Variants in CTNNA2 observed in about 807,000 individuals in gnomAD.
CTNNA2 encodes the protein catenin alpha 2.
CTNNA2 carries 42 observed loss-of-function variants against 101.0 expected under a neutral mutation model. The ratio of observed to expected loss-of-function variants is 0.42; its 90% CI spans 0.32 to 0.54. The LOEUF is 0.54. Ranked by LOEUF, CTNNA2 falls within the 20% of genes least tolerant of loss-of-function variation. The pLI is 0.14. For missense variants in CTNNA2, 871 were observed against 1,223.1 expected (o/e 0.71, Z 4.29); for synonymous variants, 450 against 456.4 (o/e 0.99, Z 0.18).
At chr2:79,353,823 T>C (rs1677446711) in intron 3 of CTNNA2, among the ~76,000 whole-genome samples, 1 of 152,184 alleles carries the variant, frequency 6.6e-6, no homozygotes, top group South Asian at 2.1e-4. Context: ...TGTTTTCATG[T>C]TTAGCACTCC....
At chr2:79,521,104 G>A (rs1672079963) in intron 1 of CTNNA2, among the ~76,000 whole-genome samples, 1 of 70,032 alleles carries the variant, frequency 1.4e-5, no homozygotes, top group Non-Finnish European at 2.7e-5. Context: ...AAACAAAGCT[G>A]CTGATATATA....
intron 9 of CTNNA2, among the ~76,000 whole-genome samples, chr2:80,529,370 T>C (rs1248231124): frequency 5.3e-5 from 8 of 152,184 alleles, no homozygotes; most frequent in African/African-American, 1.9e-4. Context: ...TAAATACCAA[T>C]GGAAAAGTAT....
At chr2:80,562,110 C>G (rs1167194880) in intron 12 of CTNNA2, among the ~76,000 whole-genome samples, 2 of 135,832 alleles carry the variant, frequency 1.5e-5, no homozygotes, top group South Asian at 2.2e-4. Context: ...CTATAAATCT[C>G]TCTCCAGGTT....
intron 2 of CTNNA2, among the ~76,000 whole-genome samples, chr2:79,671,936 T>C (rs1682868152): frequency 6.6e-6 from 1 of 152,226 alleles, no homozygotes; most frequent in African/African-American, 2.4e-5. Flanking sequence ...TAGCGGAACA[T>C]AAATAAGCAT....
chr2:79,382,407 T>C (rs1299006077), intron 4 of CTNNA2, among the ~76,000 whole-genome samples: 2 of 152,114 alleles, frequency 1.3e-5, no homozygotes, highest in Non-Finnish European at 1.5e-5. Context: ...TGGGTATGTG[T>C]GTGTATACAT....
intron 3 of CTNNA2, among the ~76,000 whole-genome samples, chr2:79,806,227 T>TA (rs11394648): frequency 0.93 from 139,381 of 149,654 alleles, 65,000 homozygotes; most frequent in African/African-American, 0.97. Flanking sequence ...GAGTTTTATT[T>TA]AAAAAAAAAA....
chr2:80,149,774 T>TCTCACACACACACA lies in CTNNA2; in HGVS notation c.1056+239978_1056+239979insTCACACACACACAC, dbSNP rs377159450. On this transcript the variant is annotated intron_variant, in intron 7 of 18. Coordinates refer to ENST00000402739, the MANE Select transcript of CTNNA2 (RefSeq NM_001282597.3). ...TCAGGGAATACTCGATTAGAATGGA[T>TCTCACACACACACA]CACACACACACACACACACACACAC... Among the ~76,000 whole-genome samples, 678 of 143,378 alleles carry TCTCACACACACACA rather than the reference T, an allele frequency of 4.7e-3. 7 individuals are homozygous for TCTCACACACACACA. The highest frequency in any genetic ancestry group is 0.016 in the African/African-American group (631 of 38,610). 94.1% of individuals were successfully genotyped at this position (143,378 alleles called of 152,430 possible).
intron 3 of CTNNA2, among the ~76,000 whole-genome samples, chr2:79,364,391 TCTTATA>T (rs1226731999): frequency 6.6e-6 from 1 of 152,160 alleles, no homozygotes; most frequent in East Asian, 1.9e-4. Context: ...ATAGGGCCAG[TCTTATA>T]CTTAGGAGAT....
chr2:79,271,294 A>G (rs938865698), intron 2 of CTNNA2, among the ~76,000 whole-genome samples: 1 of 152,038 alleles, frequency 6.6e-6, no homozygotes, highest in South Asian at 2.1e-4. Context: ...AAGCATGTCT[A>G]GATCCTGAAA....
At chr2:79,586,518 TTTTCTTTTC>T (rs1676498211) in intron 1 of CTNNA2, among the ~76,000 whole-genome samples, 1 of 69,584 alleles carries the variant, frequency 1.4e-5, no homozygotes, top group Non-Finnish European at 3.7e-5. Context: ...TTTTCTTTTC[TTTTCTTTTC>T]TTTTTTTTTA....
At chr2:80,180,413 G>A (rs948782967) in intron 7 of CTNNA2, among the ~76,000 whole-genome samples, 1 of 152,204 alleles carries the variant, frequency 6.6e-6, no homozygotes, top group East Asian at 1.9e-4. Context: ...GGAACACTGT[G>A]ATTAATTAGA....
At chr2:80,459,699 C>T (rs188271325) in intron 9 of CTNNA2, among the ~76,000 whole-genome samples, 10 of 152,250 alleles carry the variant, frequency 6.6e-5, no homozygotes, top group African/African-American at 2.4e-4. Flanking sequence ...ATTTTGCTTC[C>T]TTTTCCTCCT....
At chr2:79,220,400 A>G (rs1674327012) in intron 2 of CTNNA2, among the ~76,000 whole-genome samples, 1 of 152,150 alleles carries the variant, frequency 6.6e-6, no homozygotes. Flanking sequence ...AATGATAGAA[A>G]TTCTAACACT....
chr2:79,458,300 C>T (rs998710502), intron 4 of CTNNA2, among the ~76,000 whole-genome samples: 1 of 152,140 alleles, frequency 6.6e-6, no homozygotes, highest in Non-Finnish European at 1.5e-5. Context: ...TTATAAGAGT[C>T]ATGAAGCCTT....
intron 3 of CTNNA2, among the ~76,000 whole-genome samples, chr2:79,769,116 A>G (rs540446695): frequency 1.8e-4 from 28 of 152,108 alleles, no homozygotes; most frequent in African/African-American, 6.0e-4. Flanking sequence ...CGGCCTCCCA[A>G]AGTGCTGGGA....
chr2:80,182,121 A>G (rs1705823327), intron 7 of CTNNA2, among the ~76,000 whole-genome samples: 1 of 152,152 alleles, frequency 6.6e-6, no homozygotes, highest in South Asian at 2.1e-4. Context: ...CAAGCTGAGG[A>G]GCAAAGAAGC....
At chr2:79,409,650 T>A (rs1678384412) in intron 4 of CTNNA2, among the ~76,000 whole-genome samples, 1 of 150,502 alleles carries the variant, frequency 6.6e-6, no homozygotes, top group African/African-American at 2.4e-5. Context: ...TTCTGTTCCA[T>A]TGATCTATAT....
chr2:79,442,248 A>G (rs1360264017), intron 4 of CTNNA2, among the ~76,000 whole-genome samples: 1 of 152,196 alleles, frequency 6.6e-6, no homozygotes, highest in African/African-American at 2.4e-5. Context: ...ATGAATCAGC[A>G]TGGATGTTTT....
At position 79,847,542 on chromosome 2, in the gene CTNNA2, CAAAAAAAAAA is replaced by C. The variant is rs70940050; in HGVS notation, c.299-10450_299-10441del. On this transcript the variant is annotated intron_variant, in intron 3 of 18. Transcript: ENST00000402739. ...TGGGTGACAGAGTGAGACTCTGTCT[CAAAAAAAAAA>C]AAAAAAAAAAAAAAAAAAAAGCTAG... Among the ~76,000 whole-genome samples, 48 of 40,166 alleles carry C rather than the reference CAAAAAAAAAA, an allele frequency of 1.2e-3. 1 individual carries two copies. The South Asian group carries it at 0.026, about 22-fold the overall frequency. 26.4% of individuals were successfully genotyped at this position (40,166 alleles called of 152,430 possible).
Sources: gnomAD v4.1 joint callset for allele counts (sites outside exome capture counted in the v4.1 genomes callset) on GRCh38, gnomAD v4.1.1 for gene constraint, MANE v1.5 for transcripts, NCBI Gene and HGNC (gene_info 2026-07-23, HGNC 2026-07-21) for gene names.